The following EMSY variants were observed in gnomAD, a reference collection of about 807,000 sequenced individuals.
EMSY encodes BRCA2-interacting transcriptional repressor EMSY.
EMSY carries 26 observed loss-of-function variants against 134.6 expected under a neutral mutation model. The ratio of observed to expected loss-of-function variants is 0.19; its 90% CI spans 0.14 to 0.27. EMSY has a LOEUF of 0.27. Ranked by LOEUF, EMSY falls within the 10% of genes least tolerant of loss-of-function variation. The probability of loss-of-function intolerance (pLI) is 1.00; values close to 1 mark genes in which losing one functional copy is unlikely to be tolerated. For synonymous variants in EMSY, 579 were observed against 577.8 expected, an observed-to-expected ratio of 1.00 and a Z score of -0.03; for missense variants, 1,305 against 1,611.4, an observed-to-expected ratio of 0.81 and a Z score of 3.26.
intron 5 of EMSY, 151 bp from the exon 7 acceptor site, chr11:76,459,782 C>A (rs148376010): frequency 2.3e-5 from 16 of 686,428 alleles, no homozygotes; most frequent in African/African-American, 1.4e-4. Flanking sequence ...GTTATTAATG[C>A]CTTTTAATCT....
At chr11:76,471,292 T>G (rs1016703909) in intron 7 of EMSY, among the ~76,000 whole-genome samples, 3 of 152,208 alleles carry the variant, frequency 2.0e-5, no homozygotes, top group Non-Finnish European at 4.4e-5. Context: ...TCTCATATAC[T>G]CTGCACCCAG....
chr11:76,507,449 C>A (rs1950117890), intron 9 of EMSY, among the ~76,000 whole-genome samples: 1 of 152,200 alleles, frequency 6.6e-6, no homozygotes, highest in Non-Finnish European at 1.5e-5. Flanking sequence ...TTAAACGTGC[C>A]ATTGCTTTAT....
chr11:76,505,535 G>A (rs548350313), intron 9 of EMSY, among the ~76,000 whole-genome samples: 2 of 151,546 alleles, frequency 1.3e-5, no homozygotes, highest in East Asian at 4.0e-4. Flanking sequence ...GAGAAGAATA[G>A]TGGTATTACT....
chr11:76,524,374 G>C (rs1489566815), intron 12 of EMSY, among the ~76,000 whole-genome samples: 1 of 152,134 alleles, frequency 6.6e-6, no homozygotes, highest in Non-Finnish European at 1.5e-5. Context: ...TCCCTACCTT[G>C]CCTAACTTCA....
At chr11:76,481,520 G>A (rs1948979732) in intron 8 of EMSY, among the ~76,000 whole-genome samples, 1 of 152,238 alleles carries the variant, frequency 6.6e-6, no homozygotes, top group Non-Finnish European at 1.5e-5. Context: ...TGCCAGCACA[G>A]CAGTCTGAAG....
At chr11:76,541,982 T>C in intron 17 of EMSY, 2 of 610,192 alleles carry the variant, frequency 3.3e-6, no homozygotes, top group South Asian at 2.0e-5. Context: ...CTCATCCTTA[T>C]AATAGCTCTG....
intron 11 of EMSY, among the ~76,000 whole-genome samples, chr11:76,520,139 A>G (rs1950592310): frequency 6.6e-6 from 1 of 152,156 alleles, no homozygotes; most frequent in South Asian, 2.1e-4. Context: ...TCAGAAATTT[A>G]TAATTGATCA....
At chr11:76,542,218 A>G (rs753626443) in exon 18 of EMSY, 12 of 1,614,076 alleles carry the variant, frequency 7.4e-6, no homozygotes, top group Middle Eastern at 1.6e-4. Flanking sequence ...ATTTTCAGTC[A>G]GCCATCGCTC....
chr11:76,529,718 T>C (rs1342167747), intron 14 of EMSY, among the ~76,000 whole-genome samples: 1 of 152,150 alleles, frequency 6.6e-6, no homozygotes, highest in African/African-American at 2.4e-5. Context: ...CAATTAAAAA[T>C]AAATGAAAAT....
exon 16 of EMSY, chr11:76,537,833 A>G (rs1951282053): frequency 1.2e-6 from 2 of 1,613,122 alleles, no homozygotes; most frequent in South Asian, 1.1e-5. Flanking sequence ...ACAACCCACT[A>G]TTGACCTGAG....
chr11:76,508,098 TG>T (rs1304330318), intron 9 of EMSY, among the ~76,000 whole-genome samples: 2 of 152,036 alleles, frequency 1.3e-5, no homozygotes, highest in African/African-American at 4.8e-5. Flanking sequence ...CTCAAACTCC[TG>T]GGCTCAAACA....
chr11:76,539,695 G>A, intron 17 of EMSY, 55 bp downstream of exon 18: 1 of 1,546,298 alleles, frequency 6.5e-7, no homozygotes, highest in Non-Finnish European at 8.9e-7. Flanking sequence ...TGATTGTTTT[G>A]GGGGGAACCG....
At chr11:76,522,063 G>A (rs1009006995) in intron 11 of EMSY, among the ~76,000 whole-genome samples, 2 of 151,992 alleles carry the variant, frequency 1.3e-5, no homozygotes, top group Non-Finnish European at 2.9e-5. Flanking sequence ...TTTTGAAAAA[G>A]AGAAGAAGAC....
intron 5 of EMSY, chr11:76,458,951 A>G (rs1157814404): frequency 6.6e-6 from 1 of 152,204 alleles, no homozygotes; most frequent in Non-Finnish European, 1.5e-5. Context: ...TTGATGTTGC[A>G]TGACAATGAC....
chr11:76,549,866 T>C, intron 20 of EMSY, 86 bp from the exon 22 acceptor site: 2 of 438,190 alleles, frequency 4.6e-6, no homozygotes, highest in Middle Eastern at 5.5e-4. Context: ...GTCAGTTTTC[T>C]TTTTTTTTTT....
rs1028372307 is a variant in EMSY at position 76,513,284 on chromosome 11, C to T, written c.1364-102C>T. On this transcript the variant is annotated intron_variant, in intron 9 of 20. Transcript: ENST00000334736. ...GTATTAAAAAAAACTTCTCTTTAGA[C>T]AAGACTGAGTAAATGTGTGTGACTA... 3.7e-6 allele frequency: 4 copies of T among 1,080,680 alleles called. No individual in the cohort carries two copies. The African/African-American group carries it at 4.9e-5, about 13-fold the overall frequency. 66.9% of individuals were successfully genotyped at this position (1,080,680 alleles called of 1,614,324 possible).
At chr11:76,469,660 A>G (rs549158719) in intron 7 of EMSY, among the ~76,000 whole-genome samples, 1 of 152,148 alleles carries the variant, frequency 6.6e-6, no homozygotes, top group South Asian at 2.1e-4. Context: ...TAACATCATT[A>G]TATCGTTTAA....
intron 9 of EMSY, among the ~76,000 whole-genome samples, chr11:76,508,686 G>A (rs1950168194): frequency 6.6e-6 from 1 of 152,188 alleles, no homozygotes; most frequent in Admixed American, 6.5e-5. Context: ...GGTGTTTAGT[G>A]TAGCCACCTT....
At chr11:76,516,282 G>A (rs768778362) in exon 11 of EMSY, 6 of 1,611,656 alleles carry the variant, frequency 3.7e-6, no homozygotes, top group Non-Finnish European at 4.2e-6. Flanking sequence ...TACCTTGGGG[G>A]GCAAGATAAT....
Sources: allele counts gnomAD v4.1 joint callset (sites outside exome capture counted in the v4.1 genomes callset), GRCh38; gene constraint gnomAD v4.1.1; transcripts MANE v1.5; gene names NCBI Gene and HGNC (gene_info 2026-07-23, HGNC 2026-07-21).